FBN3: variants seen among roughly 807,000 people sequenced by gnomAD.
FBN3 encodes the protein fibrillin-3.
In FBN3, 234 loss-of-function variants were observed where a neutral mutation model predicts 330.1. The observed-to-expected ratio is 0.71, with a 90% CI of 0.64 to 0.79. The LOEUF is 0.79. Among genes scored for constraint, FBN3 ranks in the 30% least tolerant of loss-of-function variants. FBN3 has a pLI of 0.00. For missense variants in FBN3, 3,606 were observed against 3,886.9 expected, an observed-to-expected ratio of 0.93 and a Z score of 1.92; for synonymous variants, 1,458 against 1,517.3, an observed-to-expected ratio of 0.96 and a Z score of 0.91.
At chr19:8,122,559 G>A (rs1405540137) in intron 24 of FBN3, among the ~76,000 whole-genome samples, 2 of 151,692 alleles carry the variant, frequency 1.3e-5, no homozygotes, top group African/African-American at 4.8e-5. Flanking sequence ...TAGAGACGGG[G>A]TATTGCCATG....
intron 30 of FBN3, among the ~76,000 whole-genome samples, chr19:8,113,216 A>G (rs2082629701): frequency 6.6e-6 from 1 of 152,162 alleles, no homozygotes; most frequent in Admixed American, 6.6e-5. Flanking sequence ...GCTTGAGGCA[A>G]GGAGTTTGAG....
At chr19:8,079,028 A>G (rs2144607651) in intron 59 of FBN3, among the ~76,000 whole-genome samples, 2 of 152,190 alleles carry the variant, frequency 1.3e-5, no homozygotes, top group Middle Eastern at 6.8e-3. Context: ...CCATCCTCCC[A>G]AAGTGCTGGG....
chr19:8,126,238 C>T (rs1013478639), intron 21 of FBN3, 59 bp downstream of exon 21: 47 of 1,537,212 alleles, frequency 3.1e-5, no homozygotes, highest in Admixed American at 3.9e-5. Context: ...GAGGGTGGTG[C>T]GCCTGGTTGT....
intron 48 of FBN3, 110 bp downstream of exon 48, chr19:8,091,355 G>C: frequency 7.1e-7 from 1 of 1,414,708 alleles, no homozygotes; most frequent in African/African-American, 1.4e-5. Flanking sequence ...CCTCTGCCTG[G>C]TCAGAGCTCC....
In FBN3 at chr19:8,097,934, C is replaced by A. The variant is rs150704754; in HGVS notation, c.5162-520G>T. 7.1e-4 allele frequency among the ~76,000 whole-genome samples: 108 copies of A among 152,278 alleles called. 3 individuals are homozygous for A. In the East Asian group the frequency reaches 0.018, roughly 25 times the overall value. On this transcript the variant is annotated intron_variant, in intron 41 of 63. Coordinates refer to ENST00000600128, the MANE Select transcript of FBN3 (RefSeq NM_032447.5). ...ATTTAAAGGAAATGTCCAGAAGTAG[C>A]AAATCAATAGAGACAGAAAGTCGAT...
At chr19:8,142,486 A>G (rs1330896430) in intron 6 of FBN3, among the ~76,000 whole-genome samples, 1 of 152,034 alleles carries the variant, frequency 6.6e-6, no homozygotes. Context: ...ATGCCCAGCT[A>G]AAAAGCATGT....
rs2083527263 is a variant in FBN3, at chr19:8,145,815, A to G, written c.445+28T>C. On this transcript the variant is annotated intron_variant, in intron 5 of 63. Coordinates refer to ENST00000600128, the MANE Select transcript of FBN3 (RefSeq NM_032447.5). Reference sequence around the variant, plus strand: ...CTGGGATCACAGTCCCAGGTGTGCAAAGAGGGGAGTCCCATGGGGATACTC... The same window carrying G: ...CTGGGATCACAGTCCCAGGTGTGCAGAGAGGGGAGTCCCATGGGGATACTC... The G allele has an allele frequency of 2.6e-6, 4 of 1,516,632 alleles. No homozygotes were observed. In the Admixed American group the frequency reaches 7.9e-5, roughly 30 times the overall value. 93.9% of individuals were successfully genotyped at this position (1,516,632 alleles called of 1,614,324 possible). A position where few individuals can be genotyped will look rare whatever the true frequency, so the allele number is the denominator to read the frequency against.
chr19:8,073,809 A>G (rs2081578669), intron 61 of FBN3, among the ~76,000 whole-genome samples: 1 of 152,162 alleles, frequency 6.6e-6, no homozygotes. Flanking sequence ...CCTCCTGAGT[A>G]GCTGGGACTA....
At chr19:8,079,461 C>A (rs1261569257) in intron 59 of FBN3, among the ~76,000 whole-genome samples, 2 of 152,020 alleles carry the variant, frequency 1.3e-5, no homozygotes, top group Admixed American at 6.6e-5. Context: ...TAACCAAAAA[C>A]AACCACCACC....
At chr19:8,067,147 A>G (rs1422098527) in intron 63 of FBN3, among the ~76,000 whole-genome samples, 32 of 121,084 alleles carry the variant, frequency 2.6e-4, no homozygotes, top group Admixed American at 9.1e-4. Flanking sequence ...TTTTTTTTTG[A>G]GATGGAGTCT....
intron 25 of FBN3, among the ~76,000 whole-genome samples, chr19:8,119,813 CTTTTTTTTTTTT>C (rs869084219): frequency 1.8e-4 from 9 of 48,828 alleles, no homozygotes; most frequent in African/African-American, 7.5e-4. Context: ...CGAGCCCAGC[CTTTTTTTTTTTT>C]TTTTTTTTTT....
intron 47 of FBN3, among the ~76,000 whole-genome samples, chr19:8,092,383 G>A (rs1599318838): frequency 6.6e-6 from 1 of 151,934 alleles, no homozygotes; most frequent in Admixed American, 6.6e-5. Context: ...TAAAGAAAAT[G>A]TGGTATATAA....
chr19:8,075,246 C>T, intron 60 of FBN3, 37 bp downstream of exon 60: 2 of 1,591,450 alleles, frequency 1.3e-6, no homozygotes, highest in South Asian at 2.2e-5. Context: ...GGACCAACAC[C>T]CCCAAACACT....
chr19:8,135,936 G>GGGGGGGGGGGGGGGGGGGGCGCCCCCCC, intron 13 of FBN3, 25 bp downstream of exon 13: 2 of 668,778 alleles, frequency 3.0e-6, no homozygotes, highest in Admixed American at 2.9e-5. Context: ...GGAAGCCCCT[G>GGGGGGGGGGGGGGGGGGGGCGCCCCCCC]CCCACCCGCC....
At chr19:8,108,063 C>A in intron 37 of FBN3, 107 bp downstream of exon 37, 1 of 874,976 alleles carries the variant, frequency 1.1e-6, no homozygotes, top group Admixed American at 2.6e-5. Context: ...AAAGATCTGC[C>A]CCATCCCAGG....
chr19:8,074,982 C>T, intron 61 of FBN3, 89 bp downstream of exon 61: 1 of 1,490,444 alleles, frequency 6.7e-7, no homozygotes, highest in East Asian at 2.3e-5. Flanking sequence ...GTGCTTGTCA[C>T]ATCATCTTGC....
chr19:8,131,304 C>G lies in FBN3; in HGVS notation c.1991-16G>C. On this transcript the variant is annotated splice_polypyrimidine_tract_variant and intron_variant, in intron 15 of 63. Transcript: ENST00000600128. The surrounding 1 kb of genome is among the most constrained non-coding windows in gnomAD (Gnocchi z 4.5). ...TGGAACTCAGCTGGGGATGGAGGGA[C>G]AGAGTGAGACGGGTCAGGGAGCTTA... The G allele has an allele frequency of 2.0e-5, 32 of 1,611,182 alleles. No homozygotes were observed. The highest frequency in any genetic ancestry group is 2.6e-5 in the Non-Finnish European group (31 of 1,179,252).
rs1599295309 is a variant in FBN3 at position 8,085,420 on chromosome 19, T to G, written c.7030A>C (p.Thr2344Pro). Residue 2344 changes from threonine to proline, a missense_variant, in exon 56 of 64, where the codon ACC becomes CCC. Thr to Pro is a conservative substitution (Grantham distance 38). Coordinates refer to ENST00000600128, the MANE Select transcript of FBN3 (RefSeq NM_032447.5). ...GGGCACAGCTTCCTGTAGGCAGAGG[T>G]GCCGGGCAGGGGACAGAGCTCGCAG... ...PRCELCPLPG[T>P]SAYRKLCPHG... is the part of the protein sequence containing the mutation. 6.3e-7 allele frequency: 1 copy of G among 1,577,746 alleles called. No individual in the cohort carries two copies. The highest frequency in any genetic ancestry group is 2.3e-5 in the East Asian group (1 of 43,330).
chr19:8,074,830 T>C (rs2081602009), intron 61 of FBN3: 2 of 483,498 alleles, frequency 4.1e-6, no homozygotes, highest in African/African-American at 4.0e-5. Flanking sequence ...TCTCAGAATC[T>C]TTCTCAACTG....
Sources: allele counts gnomAD v4.1 joint callset (sites outside exome capture counted in the v4.1 genomes callset), GRCh38; gene constraint gnomAD v4.1.1; non-coding constraint Gnocchi (gnomAD v3.1); transcripts MANE v1.5; gene names NCBI Gene and HGNC (gene_info 2026-07-23, HGNC 2026-07-21).